The following MAGI2 variants were observed in gnomAD, a reference collection of about 807,000 sequenced individuals.
MAGI2 encodes the protein membrane-associated guanylate kinase, WW and PDZ domain-containing protein 2.
MAGI2 carries 35 observed loss-of-function variants against 133.3 expected under a neutral mutation model. That is an observed-to-expected ratio of 0.26 (90% CI 0.20 to 0.35). The LOEUF (loss-of-function observed/expected upper bound fraction) is 0.35. Ranked by LOEUF, MAGI2 falls within the 10% of genes least tolerant of loss-of-function variation. MAGI2 has a pLI of 1.00. For synonymous variants in MAGI2, 729 were observed against 710.6 expected (o/e 1.03, Z -0.41); for missense variants, 1,636 against 1,863.4 (o/e 0.88, Z 2.25).
intron 16 of MAGI2, among the ~76,000 whole-genome samples, chr7:78,141,028 T>C (rs1377900351): frequency 6.6e-6 from 1 of 152,168 alleles, no homozygotes; most frequent in African/African-American, 2.4e-5. Flanking sequence ...AAGGTCATTC[T>C]GGGGAGGAGG....
rs75888596 is a variant in MAGI2 at position 79,394,225 on chromosome 7, C to G, written c.301+58795G>C. 5.4e-3 allele frequency among the ~76,000 whole-genome samples: 823 copies of G among 152,258 alleles called. 5 individuals are homozygous for G. The highest frequency in any genetic ancestry group is 0.019 in the African/African-American group (793 of 41,552). ...ATGTCTTGGGCAACTGAAGTGAACT[C>G]TCCTGAACATGTGACCTAACAACAT... On this transcript the variant is annotated intron_variant, in intron 1 of 21. Coordinates refer to ENST00000354212, the MANE Select transcript of MAGI2 (RefSeq NM_012301.4).
chr7:78,461,393 CGTGTGT>C (rs10654835), intron 6 of MAGI2, among the ~76,000 whole-genome samples: 141 of 138,114 alleles, frequency 1.0e-3, no homozygotes, highest in African/African-American at 3.0e-3. Flanking sequence ...CGTGTGTGTG[CGTGTGT>C]GTGTGTGTGT....
At chr7:78,850,747 C>CT (rs1755743966) in intron 2 of MAGI2, among the ~76,000 whole-genome samples, 2 of 152,024 alleles carry the variant, frequency 1.3e-5, no homozygotes, top group African/African-American at 4.8e-5. Flanking sequence ...TTAAAGCAGT[C>CT]TGTGCTACAA....
intron 2 of MAGI2, among the ~76,000 whole-genome samples, chr7:78,862,758 T>G (rs1794251923): frequency 6.6e-6 from 1 of 152,190 alleles, no homozygotes; most frequent in Admixed American, 6.5e-5. Context: ...TATGGTCCAT[T>G]ACCATCTGGG....
At chr7:78,549,335 AAAGT>A (rs1034670083) in intron 3 of MAGI2, among the ~76,000 whole-genome samples, 1 of 152,120 alleles carries the variant, frequency 6.6e-6, no homozygotes, top group South Asian at 2.1e-4. Context: ...GATCAAGACA[AAAGT>A]AAGACTGCCT....
In MAGI2 at chr7:78,127,533, G is replaced by T. The variant is rs934052582; in HGVS notation, c.3204-117C>A. ...ACAGCTCACACAAACCACTCCTCTC[G>T]GTGGTCCTGTTGGATGCTCAGGATT... On this transcript the variant is annotated intron_variant, in intron 18 of 21. Transcript: ENST00000354212. 106 of 673,252 alleles carry T rather than the reference G, an allele frequency of 1.6e-4. 1 individual carries two copies. The highest frequency in any genetic ancestry group is 4.7e-4 in the Middle Eastern group (2 of 4,230). The allele number at this position is 673,252 out of a possible 1,614,324, so 41.7% of individuals were successfully genotyped here.
chr7:78,453,890 A>C (rs934207356), intron 6 of MAGI2, among the ~76,000 whole-genome samples: 4 of 151,954 alleles, frequency 2.6e-5, no homozygotes, highest in Non-Finnish European at 5.9e-5. Flanking sequence ...TTTACACAAC[A>C]TTTTTTTCCG....
At chr7:79,345,238 A>G (rs1307483601) in intron 1 of MAGI2, among the ~76,000 whole-genome samples, 1 of 152,128 alleles carries the variant, frequency 6.6e-6, no homozygotes, top group Non-Finnish European at 1.5e-5. Context: ...ATGTGGGCAC[A>G]GACACATATA....
At chr7:78,937,812 A>G (rs937615470) in intron 2 of MAGI2, among the ~76,000 whole-genome samples, 2 of 152,124 alleles carry the variant, frequency 1.3e-5, no homozygotes, top group Admixed American at 6.5e-5. Flanking sequence ...CTGGCTTTCT[A>G]TCAGTAAAAT....
intron 2 of MAGI2, among the ~76,000 whole-genome samples, chr7:78,950,070 C>T (rs1038205546): frequency 3.9e-5 from 6 of 152,130 alleles, no homozygotes; most frequent in Admixed American, 2.0e-4. Context: ...CCCTCCTCTG[C>T]ATCTCCTCCC....
intron 2 of MAGI2, chr7:78,940,728 G>A (rs970220212): frequency 6.6e-6 from 1 of 152,180 alleles, no homozygotes; most frequent in African/African-American, 2.4e-5. Context: ...TACCAACACA[G>A]CTGGGATTAG....
At chr7:78,414,241 A>T (rs1168121872) in intron 6 of MAGI2, among the ~76,000 whole-genome samples, 1 of 152,086 alleles carries the variant, frequency 6.6e-6, no homozygotes, top group African/African-American at 2.4e-5. Context: ...TATGAATGAC[A>T]TTGCACGAAA....
intron 1 of MAGI2, among the ~76,000 whole-genome samples, chr7:79,156,129 C>T (rs543589313): frequency 6.6e-6 from 1 of 152,132 alleles, no homozygotes; most frequent in East Asian, 1.9e-4. Context: ...GATTCATGCC[C>T]TACAAAATAT....
chr7:78,374,756 G>A (rs912344576), intron 6 of MAGI2, among the ~76,000 whole-genome samples: 1 of 152,080 alleles, frequency 6.6e-6, no homozygotes, highest in South Asian at 2.1e-4. Flanking sequence ...CAGATACACA[G>A]AACACTGGAT....
chr7:78,772,713 T>A (rs1300018389), intron 2 of MAGI2, among the ~76,000 whole-genome samples: 1 of 152,328 alleles, frequency 6.6e-6, no homozygotes, highest in East Asian at 1.9e-4. Context: ...CCATTTAAGC[T>A]TTTAAAATAA....
intron 1 of MAGI2, among the ~76,000 whole-genome samples, chr7:79,352,569 G>C (rs1030667774): frequency 6.6e-6 from 1 of 152,228 alleles, no homozygotes; most frequent in Non-Finnish European, 1.5e-5. Context: ...CAATCTGGCT[G>C]TAAGCCCCAC....
intron 2 of MAGI2, among the ~76,000 whole-genome samples, chr7:78,931,866 T>C (rs942904939): frequency 1.3e-5 from 2 of 152,102 alleles, no homozygotes; most frequent in African/African-American, 4.8e-5. Context: ...AAGTACAGGT[T>C]GAGCATTCCT....
At chr7:78,949,627 T>C (rs1801705815) in intron 2 of MAGI2, among the ~76,000 whole-genome samples, 1 of 152,194 alleles carries the variant, frequency 6.6e-6, no homozygotes. Context: ...AAGTTTATTA[T>C]CAAAGTTTTT....
chr7:79,134,136 AT>A (rs911732197), intron 1 of MAGI2, among the ~76,000 whole-genome samples: 1 of 152,190 alleles, frequency 6.6e-6, no homozygotes, highest in African/African-American at 2.4e-5. Flanking sequence ...ATGTTTTTGA[AT>A]TGCAAACCAA....
Sources: gnomAD v4.1 joint callset for allele counts (sites outside exome capture counted in the v4.1 genomes callset) on GRCh38, gnomAD v4.1.1 for gene constraint, MANE v1.5 for transcripts, NCBI Gene and HGNC (gene_info 2026-07-23, HGNC 2026-07-21) for gene names.